Variants in TDRD3 observed in about 807,000 individuals in gnomAD.
TDRD3 encodes the protein tudor domain-containing protein 3.
TDRD3 carries 45 observed loss-of-function variants against 86.7 expected under a neutral mutation model. The observed-to-expected ratio is 0.52, with a 90% confidence interval of 0.41 to 0.67. The LOEUF (loss-of-function observed/expected upper bound fraction) is 0.67, where lower values mean the gene tolerates loss of function less well. Ranked by LOEUF, TDRD3 falls within the 30% of genes least tolerant of loss-of-function variation. The pLI is 0.00. For synonymous variants in TDRD3, 298 were observed against 301.7 expected (o/e 0.99, Z 0.13); for missense variants, 814 against 889.0 (o/e 0.92, Z 1.07).
At chr13:60,466,056 G>A (rs886325837) in intron 4 of TDRD3, among the ~76,000 whole-genome samples, 4 of 152,072 alleles carry the variant, frequency 2.6e-5, no homozygotes, top group African/African-American at 7.2e-5. Flanking sequence ...AAATCTGATA[G>A]CCTACTATAG....
chr13:60,567,544 A>T lies in TDRD3; in HGVS notation c.2138A>T (p.Asp713Val). Residue 713 changes from aspartate (D) to valine (V), a missense_variant, in exon 13 of 14, where the codon GAT becomes GTT. Asp to Val is a radical substitution (Grantham distance 152, BLOSUM62 -3). Transcript: ENST00000377881. ...TEAWEEEGTY[D>V]QTLEFRRGGD... is the part of the protein sequence containing the mutation. ...AAATAGGAGGAAGAAGGCACCTACG[A>T]TCAAACTCTGGAGTTCCGTAGGGGA... is the stretch of plus-strand genomic sequence containing the variant. 1 of 1,614,142 alleles carries T rather than the reference A, an allele frequency of 6.2e-7. No individual in the cohort carries two copies. Among genetic ancestry groups the T allele is most frequent in the Non-Finnish European group, 8.5e-7 (1 of 1,180,040 alleles).
At chr13:60,518,235 CT>C (rs1017023303) in intron 10 of TDRD3, among the ~76,000 whole-genome samples, 4 of 152,148 alleles carry the variant, frequency 2.6e-5, no homozygotes, top group African/African-American at 9.7e-5. Context: ...TCTGTAAGTG[CT>C]CCCAGCCCTG....
chr13:60,441,423 T>A (rs9538700), intron 2 of TDRD3, among the ~76,000 whole-genome samples: 22,810 of 152,154 alleles, frequency 0.15, 2,145 homozygotes, highest in South Asian at 0.28. Flanking sequence ...AGTTAATTTG[T>A]CTTTTTTATT....
In TDRD3 at chr13:60,503,868, A is replaced by G. The variant is rs533488660; in HGVS notation, c.859-5895A>G. Among the ~76,000 whole-genome samples the G allele has an allele frequency of 5.3e-5, 8 of 152,346 alleles. No homozygotes were observed. In the South Asian group the frequency reaches 6.2e-4, roughly 12 times the overall value. On this transcript the variant is annotated intron_variant, in intron 8 of 13. Coordinates refer to ENST00000377881, the MANE Select transcript of TDRD3 (RefSeq NM_001146070.2). ...CATCAGTTTATTAATGTTAACCCCA[A>G]TTGGTTTAAATGAAACCTTATAGAC...
intron 4 of TDRD3, among the ~76,000 whole-genome samples, chr13:60,464,948 A>G (rs1955886378): frequency 6.6e-6 from 1 of 152,172 alleles, no homozygotes; most frequent in African/African-American, 2.4e-5. Flanking sequence ...TAGATTCATA[A>G]TGTTCTCGCA....
intron 10 of TDRD3, among the ~76,000 whole-genome samples, chr13:60,518,114 A>G (rs1379671952): frequency 6.6e-6 from 1 of 152,204 alleles, no homozygotes; most frequent in Non-Finnish European, 1.5e-5. Context: ...GATGGCAGGC[A>G]CAGTACCAGG....
intron 5 of TDRD3, among the ~76,000 whole-genome samples, chr13:60,469,091 A>G (rs780959917): frequency 3.3e-5 from 5 of 152,094 alleles, no homozygotes; most frequent in Non-Finnish European, 5.9e-5. Flanking sequence ...ATGTGCTGTG[A>G]TTTGGGTTGC....
intron 11 of TDRD3, among the ~76,000 whole-genome samples, chr13:60,530,083 T>C (rs1957544897): frequency 6.6e-6 from 1 of 152,218 alleles, no homozygotes; most frequent in Non-Finnish European, 1.5e-5. Context: ...CTACTTACAT[T>C]ATTCTCTTAA....
chr13:60,470,015 T>A (rs370847689), intron 5 of TDRD3, among the ~76,000 whole-genome samples: 1 of 152,214 alleles, frequency 6.6e-6, no homozygotes, highest in African/African-American at 2.4e-5. Context: ...AAACTTAAAC[T>A]CTGTACCCAT....
chr13:60,540,164 C>T lies in TDRD3; in HGVS notation c.2118+4931C>T, dbSNP rs113556679. Among the ~76,000 whole-genome samples, 38 of 152,186 alleles carry T rather than the reference C, an allele frequency of 2.5e-4. 1 individual carries two copies. Among genetic ancestry groups the T allele is most frequent in the African/African-American group, 9.1e-4 (38 of 41,554 alleles). ...GGTCACTGAAATACATCTTCTTCTA[C>T]CACACATATTTTGGGAAACTTTCAG... On this transcript the variant is annotated intron_variant, in intron 12 of 13. Coordinates refer to ENST00000377881, the MANE Select transcript of TDRD3 (RefSeq NM_001146070.2).
At chr13:60,533,854 C>G (rs1957639459) in intron 11 of TDRD3, among the ~76,000 whole-genome samples, 1 of 151,854 alleles carries the variant, frequency 6.6e-6, no homozygotes, top group African/African-American at 2.4e-5. Context: ...GTTAATTTAA[C>G]AGATAAATAG....
chr13:60,481,611 TG>T (rs1417016646), intron 5 of TDRD3, among the ~76,000 whole-genome samples: 1 of 152,106 alleles, frequency 6.6e-6, no homozygotes, highest in Non-Finnish European at 1.5e-5. Flanking sequence ...TTCTTTTTTT[TG>T]TATTTTTCTT....
intron 10 of TDRD3, among the ~76,000 whole-genome samples, chr13:60,524,816 C>T (rs893010034): frequency 5.9e-5 from 9 of 151,820 alleles, no homozygotes; most frequent in African/African-American, 1.4e-4. Flanking sequence ...ACACAATTTT[C>T]GGCCAGGCGC....
At chr13:60,474,415 G>GT (rs1207721394) in intron 5 of TDRD3, among the ~76,000 whole-genome samples, 8 of 152,160 alleles carry the variant, frequency 5.3e-5, no homozygotes, top group South Asian at 2.1e-4. Flanking sequence ...TCTTTGTGTT[G>GT]TGTCTTTATT....
chr13:60,460,515 G>T lies in TDRD3; in HGVS notation c.328G>T (p.Glu110Ter). The change falls in exon 4 of 14, where the codon GAA (glutamate) becomes TAA (stop). Residue 110 changes from glutamate (E) to a stop codon, truncating the protein, a stop_gained. Coordinates refer to ENST00000377881, the MANE Select transcript of TDRD3 (RefSeq NM_001146070.2). LOFTEE classifies it high-confidence loss of function. The stretch of plus-strand genomic sequence containing the variant: ...TGGTCATATAAGTTGCACAGCAGTA[G>T]AATTTAGTTATATGTCAAAAATAAG... ...TDGHISCTAVEFSYMSKISLN... is the reference protein window; with the variant it reads ...TDGHISCTAV The T allele has an allele frequency of 6.4e-7, 1 of 1,562,406 alleles. No homozygotes were observed. Among genetic ancestry groups the T allele is most frequent in the East Asian group, 2.4e-5 (1 of 41,974 alleles).
chr13:60,451,927 T>C (rs1039370225), intron 3 of TDRD3, among the ~76,000 whole-genome samples: 14 of 152,164 alleles, frequency 9.2e-5, no homozygotes, highest in African/African-American at 3.4e-4. Context: ...AATCTGCGCA[T>C]TAGCTTAAAA....
chr13:60,441,184 G>T lies in TDRD3; in HGVS notation c.126+1412G>T, dbSNP rs147429217. On this transcript the variant is annotated intron_variant, in intron 2 of 13. Coordinates refer to ENST00000377881, the MANE Select transcript of TDRD3 (RefSeq NM_001146070.2). ...AACTGTTTGTCTTGCACTGAAATTA[G>T]TTAATTCTATTGCTTAAAAATATTA... Among the ~76,000 whole-genome samples the T allele has an allele frequency of 1.6e-3, 242 of 152,160 alleles. 7 individuals carry two copies. The East Asian group carries it at 0.041, about 26-fold the overall frequency.
Position 60,509,878 on chromosome 13 carries a change from C to G in TDRD3, c.974C>G (p.Thr325Arg). 1 of 1,613,724 alleles carries G rather than the reference C, an allele frequency of 6.2e-7. No homozygotes were observed. The highest frequency in any genetic ancestry group is 8.5e-7 in the Non-Finnish European group (1 of 1,179,688). ...GAAGCAGCACTGAACGTACTTCTTA[C>G]AAGCAATAAACAGAAACCTGTTATG... is the stretch of plus-strand genomic sequence containing the variant. ...NLEAALNVLLTSNKQKPVMGP... is the reference protein window; with the variant it reads ...NLEAALNVLLRSNKQKPVMGP... The change falls in exon 9 of 14, where the codon ACA (threonine) becomes AGA (arginine). Residue 325 changes from threonine (T) to arginine (R), a missense_variant. Transcript: ENST00000377881.
intron 10 of TDRD3, among the ~76,000 whole-genome samples, chr13:60,517,635 T>G (rs1300780812): frequency 1.3e-5 from 2 of 152,196 alleles, no homozygotes; most frequent in Non-Finnish European, 2.9e-5. Flanking sequence ...AGCCCTTGAA[T>G]TTTTCTTCCT....
Sources: allele counts gnomAD v4.1 joint callset (sites outside exome capture counted in the v4.1 genomes callset), GRCh38; gene constraint gnomAD v4.1.1; transcripts MANE v1.5; gene names NCBI Gene and HGNC (gene_info 2026-07-23, HGNC 2026-07-21).